The following SND1 variants were observed in gnomAD, a reference collection of about 807,000 sequenced individuals.
SND1 encodes staphylococcal nuclease domain-containing protein 1.
A neutral mutation model predicts 121.7 loss-of-function variants in SND1; 38 were observed. That is an observed-to-expected ratio of 0.31 (90% CI 0.24 to 0.41). The LOEUF is 0.41. Among genes scored for constraint, SND1 ranks in the 10% least tolerant of loss-of-function variants. The pLI is 1.00. For synonymous variants in SND1, 401 were observed against 447.4 expected (o/e 0.90, Z 1.31); for missense variants, 868 against 1,184.6 (o/e 0.73, Z 3.92).
chr7:127,946,976 C>T (rs919765855), intron 15 of SND1, among the ~76,000 whole-genome samples: 2 of 123,654 alleles, frequency 1.6e-5, no homozygotes, highest in African/African-American at 6.5e-5. Flanking sequence ...AATGTTTTTC[C>T]ATCTCATATA....
rs548728128 is a variant in SND1 at position 127,740,135 on chromosome 7, C to G, written c.1152+18735C>G. Among the ~76,000 whole-genome samples the G allele has an allele frequency of 3.5e-4, 54 of 152,302 alleles. 2 individuals carry two copies. The South Asian group carries it at 0.01, about 29-fold the overall frequency. On this transcript the variant is annotated intron_variant, in intron 10 of 23. Coordinates refer to ENST00000354725, the MANE Select transcript of SND1 (RefSeq NM_014390.4). ...AGATTCTAGGTGTTGTTTTAAGGTT[C>G]AGGGCAAAACAGTTTTCTGTAACCT...
chr7:128,005,731 T>C (rs956506320), intron 16 of SND1, among the ~76,000 whole-genome samples: 1 of 152,206 alleles, frequency 6.6e-6, no homozygotes, highest in African/African-American at 2.4e-5. Flanking sequence ...AGAAGGAGAC[T>C]GCAGGTACTG....
At chr7:127,746,098 G>T (rs1796976888) in intron 10 of SND1, among the ~76,000 whole-genome samples, 1 of 152,230 alleles carries the variant, frequency 6.6e-6, no homozygotes, top group African/African-American at 2.4e-5. Context: ...ACACACAGAT[G>T]TGACTTGTGT....
chr7:127,863,075 A>G (rs964246502), intron 12 of SND1, among the ~76,000 whole-genome samples: 1 of 152,256 alleles, frequency 6.6e-6, no homozygotes, highest in African/African-American at 2.4e-5. Flanking sequence ...AAGGCAGCGG[A>G]GTCCACGAGG....
chr7:127,800,668 G>T (rs905011188), intron 10 of SND1, among the ~76,000 whole-genome samples: 7 of 152,116 alleles, frequency 4.6e-5, no homozygotes, highest in African/African-American at 1.7e-4. Context: ...AAACATCTGG[G>T]TTCCTTTTTC....
intron 16 of SND1, chr7:128,008,072 C>T (rs1803027213): frequency 6.6e-6 from 1 of 152,164 alleles, no homozygotes; most frequent in African/African-American, 2.4e-5. Flanking sequence ...ACCTGAAGTA[C>T]AAGTAATAAT....
chr7:127,755,806 C>A (rs1032422963), intron 10 of SND1, among the ~76,000 whole-genome samples: 9 of 152,168 alleles, frequency 5.9e-5, no homozygotes, highest in African/African-American at 1.9e-4. Context: ...CAACGTGTAA[C>A]ACAAGCTGAC....
chr7:127,810,585 G>C (rs548667547), intron 11 of SND1, among the ~76,000 whole-genome samples: 29 of 152,300 alleles, frequency 1.9e-4, no homozygotes, highest in Non-Finnish European at 2.8e-4. Context: ...GTGTGAATAC[G>C]ATGGTGAGAC....
At chr7:127,755,481 G>A (rs1584549423) in intron 10 of SND1, among the ~76,000 whole-genome samples, 1 of 152,330 alleles carries the variant, frequency 6.6e-6, no homozygotes, top group South Asian at 2.1e-4. Context: ...ACCCTTGCCA[G>A]CCAAACTGAG....
chr7:127,937,387 T>C (rs1801083536), intron 15 of SND1, among the ~76,000 whole-genome samples: 1 of 152,086 alleles, frequency 6.6e-6, no homozygotes, highest in Non-Finnish European at 1.5e-5. Context: ...GAGACTTCCC[T>C]TTTCCTGCCC....
chr7:127,726,455 G>C (rs796372080), intron 10 of SND1, among the ~76,000 whole-genome samples: 25 of 152,320 alleles, frequency 1.6e-4, no homozygotes, highest in South Asian at 1.5e-3. Context: ...CATGTATCAG[G>C]GTTTCTCTAA....
At chr7:127,838,543 C>T (rs1394479772) in intron 11 of SND1, among the ~76,000 whole-genome samples, 1 of 152,198 alleles carries the variant, frequency 6.6e-6, no homozygotes, top group Non-Finnish European at 1.5e-5. Context: ...CAACACTGTG[C>T]TTCAATTGTC....
chr7:128,077,208 A>G (rs1487949301), intron 17 of SND1, among the ~76,000 whole-genome samples: 2 of 152,330 alleles, frequency 1.3e-5, no homozygotes, highest in South Asian at 2.1e-4. Context: ...GCAAGCAGCA[A>G]TGTTAAACAG....
intron 14 of SND1, among the ~76,000 whole-genome samples, chr7:127,906,006 G>A (rs1425317167): frequency 6.6e-6 from 1 of 152,144 alleles, no homozygotes; most frequent in South Asian, 2.1e-4. Flanking sequence ...CCTGGTGATT[G>A]CTTGCTACAA....
In SND1 at chr7:128,030,543, G is replaced by C. The variant is rs199932588; in HGVS notation, c.1779+39487G>C. 42 of 1,613,232 alleles carry C rather than the reference G, an allele frequency of 2.6e-5. No individual in the cohort carries two copies. The highest frequency in any genetic ancestry group is 3.4e-5 in the Non-Finnish European group (40 of 1,179,804). Reference sequence around the variant, plus strand: ...GGCTGAGGCGGCAGCAGCGATGGCTGCACACAGAATCCACACTTGCGCCGT... The same window carrying C: ...GGCTGAGGCGGCAGCAGCGATGGCTCCACACAGAATCCACACTTGCGCCGT... On this transcript the variant is annotated intron_variant, in intron 16 of 23. Coordinates refer to ENST00000354725, the MANE Select transcript of SND1 (RefSeq NM_014390.4).
chr7:128,006,490 A>G (rs1802980155), intron 16 of SND1, among the ~76,000 whole-genome samples: 1 of 152,224 alleles, frequency 6.6e-6, no homozygotes, highest in South Asian at 2.1e-4. Context: ...GCAAATATGT[A>G]TTAGTTCACT....
Position 127,804,637 on chromosome 7 carries a change from G to A in SND1, c.1153-2847G>A, listed in dbSNP as rs575641751. On this transcript the variant is annotated intron_variant, in intron 10 of 23. Transcript: ENST00000354725. Reference sequence around the variant, plus strand: ...GAATATGTGGGGAGACAGATGTAGCGGTGCATGCTTATAGTCCTAGCTACT... The same window carrying A: ...GAATATGTGGGGAGACAGATGTAGCAGTGCATGCTTATAGTCCTAGCTACT... 1.2e-4 allele frequency among the ~76,000 whole-genome samples: 19 copies of A among 152,030 alleles called. No homozygotes were observed. The South Asian group carries it at 2.7e-3, about 22-fold the overall frequency.
chr7:127,788,597 A>G (rs1014068260), intron 10 of SND1, among the ~76,000 whole-genome samples: 2 of 152,168 alleles, frequency 1.3e-5, no homozygotes, highest in African/African-American at 4.8e-5. Context: ...TTGATCAACT[A>G]TGCGACCCAC....
intron 16 of SND1, among the ~76,000 whole-genome samples, chr7:128,024,879 CA>C (rs992487640): frequency 7.2e-5 from 11 of 152,186 alleles, no homozygotes; most frequent in African/African-American, 1.7e-4. Context: ...GCCGGGTAAG[CA>C]AAAACCACTC....
Sources: allele counts gnomAD v4.1 joint callset (sites outside exome capture counted in the v4.1 genomes callset), GRCh38; gene constraint gnomAD v4.1.1; transcripts MANE v1.5; gene names NCBI Gene and HGNC (gene_info 2026-07-23, HGNC 2026-07-21).